Variants in ITIH4 observed in about 807,000 individuals in gnomAD.
ITIH4 encodes inter-alpha-trypsin inhibitor heavy chain H4.
In ITIH4, 79 loss-of-function variants were observed where a neutral mutation model predicts 111.8. The observed-to-expected ratio is 0.71, with a 90% CI of 0.59 to 0.85. The LOEUF (loss-of-function observed/expected upper bound fraction) is 0.85. Among genes scored for constraint, ITIH4 ranks in the 40% least tolerant of loss-of-function variants. The pLI, the probability that ITIH4 is intolerant of heterozygous loss-of-function variation, is 0.00. For synonymous variants in ITIH4, 472 were observed against 468.3 expected, an observed-to-expected ratio of 1.01 and a Z score of -0.10; for missense variants, 1,065 against 1,195.8, an observed-to-expected ratio of 0.89 and a Z score of 1.61.
Position 52,813,095 on chromosome 3 carries a change from A to G in ITIH4, c.*326T>C. ...GCTGGGGGCCACAGTGACATCTCAA[A>G]TGGGTGGTTCGAGCTCAGTTTCCTT... On this transcript the variant is annotated 3_prime_UTR_variant, in exon 24 of 24. Transcript: ENST00000266041. 1 of 263,846 alleles carries G rather than the reference A, an allele frequency of 3.8e-6. No individual in the cohort carries two copies. The highest frequency in any genetic ancestry group is 8.4e-5 in the South Asian group (1 of 11,972). 16.3% of individuals were successfully genotyped at this position (263,846 alleles called of 1,614,324 possible).
intron 2 of ITIH4, 131 bp from the exon 3 acceptor site, chr3:52,827,328 A>G: frequency 1.3e-6 from 1 of 746,560 alleles, no homozygotes; most frequent in Non-Finnish European, 2.3e-6. Flanking sequence ...GCCTGAGCCC[A>G]GTGCCATTTA....
intron 16 of ITIH4, 67 bp from the exon 17 acceptor site, chr3:52,819,585 A>C (rs1376939839): frequency 1.9e-6 from 3 of 1,607,900 alleles, no homozygotes; most frequent in Non-Finnish European, 8.5e-7. Flanking sequence ...CCAGGGCTTG[A>C]GATCCACCCA....
rs759010290 is a variant in ITIH4, at chr3:52,823,886, TGCCAGCTTCTCCAGGAAG to T, written c.1272_1289del (p.Phe425_Ala430del). On this transcript the variant is annotated inframe_deletion, in exon 10 of 24. Coordinates refer to ENST00000266041, the MANE Select transcript of ITIH4 (RefSeq NM_002218.5). ...GCCGGGCCAGGCCGCCATTGTCCAG[TGCCAGCTTCTCCAGGAAG>T]GCATAGCTGACGTCGAAACCGAAGC... 2.8e-5 allele frequency: 45 copies of T among 1,613,672 alleles called. No homozygotes were observed. The highest frequency in any genetic ancestry group is 3.7e-5 in the Non-Finnish European group (44 of 1,179,950).
intron 11 of ITIH4, 24 bp from the exon 12 acceptor site, chr3:52,821,154 G>A: frequency 6.2e-7 from 1 of 1,607,748 alleles, no homozygotes; most frequent in Non-Finnish European, 8.5e-7. Flanking sequence ...CCCAGCCAGG[G>A]CAGGAGCAGT....
chr3:52,829,320 C>T, intron 1 of ITIH4, 41 bp from the exon 2 acceptor site: 2 of 1,572,846 alleles, frequency 1.3e-6, no homozygotes, highest in Non-Finnish European at 1.7e-6. Flanking sequence ...GGTTTCAATG[C>T]CACCTCAGCT....
intron 2 of ITIH4, among the ~76,000 whole-genome samples, 156 bp downstream of exon 2, chr3:52,828,963 A>G (rs2535626): frequency 0.11 from 16,537 of 152,098 alleles, 2,771 homozygotes; most frequent in African/African-American, 0.35. Flanking sequence ...GTCCTTTGGC[A>G]AGCCCCTGTT....
At position 52,823,698 on chromosome 3, in the gene ITIH4, G is replaced by A. The variant is rs772624583; in HGVS notation, c.1397C>T (p.Thr466Ile). The change falls in exon 11 of 24, where the codon ACC (threonine) becomes ATC (isoleucine). Residue 466 changes from threonine to isoleucine, a missense_variant. Transcript: ENST00000266041. The stretch of plus-strand genomic sequence containing the variant: ...CACGGCATTGCTTGGGTACTCGAAG[G>A]TCACTGCTGTCAGCAGTGGGTTGGC... ...EVANPLLTAV[T>I]FEYPSNAVEE... 3 of 1,614,198 alleles carry A rather than the reference G, an allele frequency of 1.9e-6. No homozygotes were observed. Among genetic ancestry groups the A allele is most frequent in the Non-Finnish European group, 2.5e-6 (3 of 1,180,042 alleles).
At chr3:52,828,399 T>C (rs1462276254) in intron 2 of ITIH4, among the ~76,000 whole-genome samples, 2 of 152,226 alleles carry the variant, frequency 1.3e-5, no homozygotes, top group Non-Finnish European at 2.9e-5. Context: ...TAGCCCCCAC[T>C]GCAGTTTTCC....
Position 52,818,036 on chromosome 3 carries a change from G to A in ITIH4, c.2296+16C>T. 2 of 1,588,040 alleles carry A rather than the reference G, an allele frequency of 1.3e-6. No individual in the cohort carries two copies. The highest frequency in any genetic ancestry group is 1.1e-5 in the South Asian group (1 of 90,454). On this transcript the variant is annotated intron_variant, in intron 20 of 23. Transcript: ENST00000266041. ...TGCCAGTGGTGTCTGGGTCTCTCTG[G>A]GTGTGCCTCTCTCACCTTGCTCAGG...
At chr3:52,830,502 C>T in intron 1 of ITIH4, 51 bp downstream of exon 1, 1 of 1,539,186 alleles carries the variant, frequency 6.5e-7, no homozygotes, top group Middle Eastern at 1.7e-4. Flanking sequence ...CCCCACTTCC[C>T]AGGCGTTCTC....
chr3:52,819,817 T>C, intron 15 of ITIH4, 25 bp from the exon 16 acceptor site: 1 of 1,613,892 alleles, frequency 6.2e-7, no homozygotes, highest in Non-Finnish European at 8.5e-7. Context: ...CCTGATCAGA[T>C]ACAACTGAAC....
rs1350158552 is a variant in ITIH4, at chr3:52,824,210, G to T, written c.1151C>A (p.Thr384Asn). ...CTCACCCACAGTGGGGTCGCCATCG[G>T]TGAGCAGGATGATGAGTGAGACACT... ...EGSVSLIILLTDGDPTVGETN... is the reference protein window; with the variant it reads ...EGSVSLIILLNDGDPTVGETN... Residue 384 changes from threonine to asparagine, a missense_variant, in exon 9 of 24, where the codon ACC becomes AAC. Thr to Asn is a moderately conservative substitution (Grantham distance 65). Coordinates refer to ENST00000266041, the MANE Select transcript of ITIH4 (RefSeq NM_002218.5). The surrounding 1 kb of genome is among the most constrained non-coding windows in gnomAD (Gnocchi z 4.3). 6.2e-7 allele frequency: 1 copy of T among 1,613,442 alleles called. No individual in the cohort carries two copies. The highest frequency in any genetic ancestry group is 1.7e-5 in the Admixed American group (1 of 60,030).
chr3:52,820,861 A>G, intron 12 of ITIH4, 76 bp from the exon 13 acceptor site: 1 of 1,555,026 alleles, frequency 6.4e-7, no homozygotes, highest in African/African-American at 1.4e-5. Context: ...CCTTCTGGGG[A>G]GGTCCCTCTG....
chr3:52,813,972 C>A lies in ITIH4; in HGVS notation c.2723+3G>T, dbSNP rs1051402649. On this transcript the variant is annotated splice_donor_region_variant and intron_variant, in intron 23 of 23. Coordinates refer to ENST00000266041, the MANE Select transcript of ITIH4 (RefSeq NM_002218.5). ...GCTCAGCGGTCTGCTTGTGCCAAGT[C>A]ACCTGGTGGCAGAGTGGTCATTGCC... 1.2e-6 allele frequency: 2 copies of A among 1,610,870 alleles called. No individual in the cohort carries two copies. The highest frequency in any genetic ancestry group is 1.3e-5 in the African/African-American group (1 of 74,994).
rs746018283 is a variant in ITIH4 at position 52,824,142 on chromosome 3, C to A, written c.1171+48G>T. 3.1e-6 allele frequency: 5 copies of A among 1,599,010 alleles called. No homozygotes were observed. The African/African-American group carries it at 4.0e-5, about 13-fold the overall frequency. Reference sequence around the variant, plus strand: ...ACAGCAAGCCCAGGTGCAGCCCCAGCCGCCTCCCCTGTGCAGCACGTCCTG... The same window carrying A: ...ACAGCAAGCCCAGGTGCAGCCCCAGACGCCTCCCCTGTGCAGCACGTCCTG... On this transcript the variant is annotated intron_variant, in intron 9 of 23. Coordinates refer to ENST00000266041, the MANE Select transcript of ITIH4 (RefSeq NM_002218.5). The surrounding 1 kb of genome is among the most constrained non-coding windows in gnomAD (Gnocchi z 4.3).
intron 1 of ITIH4, chr3:52,829,772 C>T (rs554830048): frequency 6.3e-6 from 1 of 158,406 alleles, no homozygotes; most frequent in African/African-American, 2.4e-5. Flanking sequence ...TCCCACCAGT[C>T]TCCTAGAAGG....
Position 52,826,542 on chromosome 3 carries a change from T to G in ITIH4, c.629A>C (p.Lys210Thr), listed in dbSNP as rs964021987. ...DALTTWQNKT[K>T]AHIRFKPTLS... ...ACCTGCTGACCACAACAGGCCCACC[T>G]TGGTCTTATTCTGCCAGGTGGTGAG... Residue 210 changes from lysine (K) to threonine (T), a missense_variant and splice_region_variant, in exon 5 of 24, where the codon AAG (lysine) becomes ACG (threonine). Physicochemically the swap from Lys to Thr is moderately conservative, Grantham distance 78 (BLOSUM62 -1). Transcript: ENST00000266041. 2 of 1,612,172 alleles carry G rather than the reference T, an allele frequency of 1.2e-6. No individual in the cohort carries two copies. Among genetic ancestry groups the G allele is most frequent in the Non-Finnish European group, 1.7e-6 (2 of 1,178,398 alleles).
chr3:52,829,159 T>C lies in ITIH4; in HGVS notation c.211A>G (p.Met71Val). The C allele has an allele frequency of 6.2e-7, 1 of 1,611,942 alleles. No homozygotes were observed. The highest frequency in any genetic ancestry group is 8.5e-7 in the Non-Finnish European group (1 of 1,178,306). Reference sequence around the variant, plus strand: ...ATGAAGGCTTTCTTGGGCAGCTCCATCTGGAAGGTGGCCTCCTGCACAGTA... The same window carrying C: ...ATGAAGGCTTTCTTGGGCAGCTCCACCTGGAAGGTGGCCTCCTGCACAGTA... ...ANTVQEATFQ[M>V]ELPKKAFITN... The change falls in exon 2 of 24, where the codon ATG becomes GTG. Residue 71 changes from methionine (M) to valine (V), a missense_variant. Met to Val is a conservative substitution (Grantham distance 21). Coordinates refer to ENST00000266041, the MANE Select transcript of ITIH4 (RefSeq NM_002218.5).
At chr3:52,821,171 C>T (rs765099594) in intron 11 of ITIH4, 41 bp from the exon 12 acceptor site, 18 of 1,594,078 alleles carry the variant, frequency 1.1e-5, no homozygotes, top group East Asian at 4.5e-5. Context: ...CAGTGAGGGC[C>T]GGACATCTGC....
Sources: allele counts gnomAD v4.1 joint callset (sites outside exome capture counted in the v4.1 genomes callset), GRCh38; gene constraint gnomAD v4.1.1; non-coding constraint Gnocchi (gnomAD v3.1); transcripts MANE v1.5; gene names NCBI Gene and HGNC (gene_info 2026-07-23, HGNC 2026-07-21).